The following GALNTL6 variants were observed in gnomAD, a reference collection of about 807,000 sequenced individuals.
The protein encoded by GALNTL6 is polypeptide N-acetylgalactosaminyltransferase-like 6.
In GALNTL6, 46 loss-of-function variants were observed where a neutral mutation model predicts 73.7. That is an observed-to-expected ratio of 0.62 (90% CI 0.49 to 0.80). The LOEUF is 0.80. Ranked by LOEUF, GALNTL6 falls within the 30% of genes least tolerant of loss-of-function variation. GALNTL6 has a pLI of 0.00. For synonymous variants in GALNTL6, 259 were observed against 263.7 expected (o/e 0.98, Z 0.17); for missense variants, 604 against 755.0 (o/e 0.80, Z 2.34).
intron 5 of GALNTL6, among the ~76,000 whole-genome samples, chr4:172,615,563 T>C (rs1353049790): frequency 3.9e-5 from 6 of 152,182 alleles, no homozygotes; most frequent in African/African-American, 1.4e-4. Context: ...TATTAAGTTC[T>C]CCTCAAAGTG....
intron 4 of GALNTL6, among the ~76,000 whole-genome samples, chr4:172,337,209 T>A (rs1432781110): frequency 6.6e-6 from 1 of 152,102 alleles, no homozygotes; most frequent in Non-Finnish European, 1.5e-5. Flanking sequence ...ACGGGTCATT[T>A]TTTTTTTTAA....
intron 5 of GALNTL6, among the ~76,000 whole-genome samples, chr4:172,746,252 C>G (rs1475508402): frequency 1.3e-5 from 2 of 151,990 alleles, no homozygotes; most frequent in African/African-American, 4.8e-5. Context: ...TACCACACAA[C>G]CTTAAAGTGA....
intron 5 of GALNTL6, among the ~76,000 whole-genome samples, chr4:172,479,744 G>A (rs1206764060): frequency 6.6e-6 from 1 of 152,164 alleles, no homozygotes; most frequent in Non-Finnish European, 1.5e-5. Flanking sequence ...CGCTTCATGT[G>A]TTTGTCGATG....
At chr4:172,851,084 TGA>T (rs1484696898) in intron 7 of GALNTL6, among the ~76,000 whole-genome samples, 1 of 152,128 alleles carries the variant, frequency 6.6e-6, no homozygotes, top group Admixed American at 6.5e-5. Context: ...GGGGTGGGGC[TGA>T]GTTTTAAGTT....
At chr4:171,996,652 C>T (rs1377426343) in intron 2 of GALNTL6, among the ~76,000 whole-genome samples, 1 of 150,786 alleles carries the variant, frequency 6.6e-6, no homozygotes, top group Non-Finnish European at 1.5e-5. Context: ...CTTTTTGCTT[C>T]CCTGGGCCAC....
intron 7 of GALNTL6, among the ~76,000 whole-genome samples, chr4:172,826,476 CA>C (rs1420618754): frequency 6.6e-6 from 1 of 152,200 alleles, no homozygotes; most frequent in Non-Finnish European, 1.5e-5. Context: ...GCCCAACCCC[CA>C]GCCCTAAGGA....
chr4:172,190,971 C>T (rs184883831), intron 2 of GALNTL6, among the ~76,000 whole-genome samples: 2 of 152,300 alleles, frequency 1.3e-5, no homozygotes, highest in Admixed American at 6.5e-5. Context: ...CCTAGGTCTG[C>T]TTCCATTGTC....
chr4:171,994,857 A>G (rs1740441993), intron 2 of GALNTL6, among the ~76,000 whole-genome samples: 1 of 152,056 alleles, frequency 6.6e-6, no homozygotes, highest in Non-Finnish European at 1.5e-5. Flanking sequence ...GAGTGAACAA[A>G]TTTGCAACGA....
At chr4:172,845,229 A>AG (rs1743431772) in intron 7 of GALNTL6, among the ~76,000 whole-genome samples, 1 of 147,736 alleles carries the variant, frequency 6.8e-6, no homozygotes, top group African/African-American at 2.7e-5. Context: ...AAAAAAAAAA[A>AG]AAAAAGAAAA....
At chr4:172,550,323 T>C (rs1467491641) in intron 5 of GALNTL6, among the ~76,000 whole-genome samples, 2 of 152,186 alleles carry the variant, frequency 1.3e-5, no homozygotes, top group Non-Finnish European at 2.9e-5. Context: ...ACAAAGGATA[T>C]CATCAATTCT....
At chr4:172,862,982 G>A (rs998232531) in intron 7 of GALNTL6, among the ~76,000 whole-genome samples, 16 of 152,216 alleles carry the variant, frequency 1.1e-4, no homozygotes, top group African/African-American at 3.9e-4. Context: ...GGCTAAAAGG[G>A]GCCAAGGTAC....
chr4:172,053,958 C>A (rs1370766147), intron 2 of GALNTL6, among the ~76,000 whole-genome samples: 6 of 151,942 alleles, frequency 3.9e-5, no homozygotes, highest in African/African-American at 1.5e-4. Flanking sequence ...AATCAAAGCA[C>A]AATTGTATAT....
At chr4:172,760,953 A>G (rs1484834287) in intron 5 of GALNTL6, among the ~76,000 whole-genome samples, 1 of 152,202 alleles carries the variant, frequency 6.6e-6, no homozygotes, top group East Asian at 1.9e-4. Context: ...AAGGATAGGA[A>G]AGATGAGAGT....
Position 172,159,085 on chromosome 4 carries a change from C to T in GALNTL6, c.139-70571C>T, listed in dbSNP as rs530440653. Reference sequence around the variant, plus strand: ...CCATTTGTTGAGTACCTATCAGGGCCAGCTTTTGTCCAGGTGGTAACTTTG... The same window carrying T: ...CCATTTGTTGAGTACCTATCAGGGCTAGCTTTTGTCCAGGTGGTAACTTTG... On this transcript the variant is annotated intron_variant, in intron 2 of 12. Coordinates refer to ENST00000506823, the MANE Select transcript of GALNTL6 (RefSeq NM_001034845.3). 3.9e-5 allele frequency among the ~76,000 whole-genome samples: 6 copies of T among 152,218 alleles called. No homozygotes were observed. The East Asian group carries it at 1.2e-3, about 29-fold the overall frequency.
intron 7 of GALNTL6, among the ~76,000 whole-genome samples, chr4:172,840,581 G>T (rs1164227280): frequency 6.6e-6 from 1 of 152,098 alleles, no homozygotes; most frequent in Non-Finnish European, 1.5e-5. Context: ...AATGTGCAAG[G>T]CCACTATTTT....
At chr4:171,982,550 A>T (rs569204024) in intron 2 of GALNTL6, among the ~76,000 whole-genome samples, 1 of 152,054 alleles carries the variant, frequency 6.6e-6, no homozygotes, top group Non-Finnish European at 1.5e-5. Context: ...CGCCCGCCTC[A>T]GCCTCCCAAA....
chr4:172,931,364 C>T, intron 9 of GALNTL6, 96 bp downstream of exon 9: 1 of 775,736 alleles, frequency 1.3e-6, no homozygotes, highest in Non-Finnish European at 2.4e-6. Context: ...GAAAAGCTCT[C>T]CAGTGTACAG....
At chr4:171,828,169 C>T (rs371988064) in intron 2 of GALNTL6, among the ~76,000 whole-genome samples, 2 of 152,138 alleles carry the variant, frequency 1.3e-5, no homozygotes, top group Non-Finnish European at 1.5e-5. Context: ...AACTGTAATA[C>T]GTACTGTACT....
intron 5 of GALNTL6, among the ~76,000 whole-genome samples, chr4:172,708,645 AGTGTCCCCTACATG>A (rs1482683213): frequency 6.6e-6 from 1 of 152,232 alleles, no homozygotes; most frequent in African/African-American, 2.4e-5. Flanking sequence ...GAATCTGAAC[AGTGTCCCCTACATG>A]GTGAGCCCTA....
Sources: gnomAD v4.1 joint callset for allele counts (sites outside exome capture counted in the v4.1 genomes callset) on GRCh38, gnomAD v4.1.1 for gene constraint, MANE v1.5 for transcripts, NCBI Gene and HGNC (gene_info 2026-07-23, HGNC 2026-07-21) for gene names.